Variants in RARG observed in about 807,000 individuals in gnomAD.
The protein encoded by RARG is RAR-gamma.
In RARG, 17 loss-of-function variants were observed where a neutral mutation model predicts 43.7. The observed-to-expected ratio is 0.39, with a 90% CI of 0.27 to 0.58. The LOEUF (loss-of-function observed/expected upper bound fraction) is 0.58, where lower values mean the gene tolerates loss of function less well. Ranked by LOEUF, RARG falls within the 20% of genes least tolerant of loss-of-function variation. The pLI is 0.57. For missense variants in RARG, 346 were observed against 598.7 expected (o/e 0.58, Z 4.40); for synonymous variants, 238 against 236.4 (o/e 1.01, Z -0.06).
In RARG at chr12:53,214,049, C is replaced by A; in HGVS notation, c.813+10G>T. 1 of 1,600,410 alleles carries A rather than the reference C, an allele frequency of 6.2e-7. No homozygotes were observed. The highest frequency in any genetic ancestry group is 8.5e-7 in the Non-Finnish European group (1 of 1,174,572). ...TCGGGCTGTGGCAGGACCCACAGGG[C>A]CTAACTTACCAGGATATCTAGGCAG... On this transcript the variant is annotated intron_variant, in intron 7 of 9. Coordinates refer to ENST00000425354, the MANE Select transcript of RARG (RefSeq NM_000966.6).
chr12:53,227,305 C>T lies in RARG; in HGVS notation c.184+57G>A. 1 of 1,470,922 alleles carries T rather than the reference C, an allele frequency of 6.8e-7. No homozygotes were observed. Among genetic ancestry groups the T allele is most frequent in the Non-Finnish European group, 9.1e-7 (1 of 1,102,344 alleles). 91.1% of individuals were successfully genotyped at this position (1,470,922 alleles called of 1,614,324 possible). A position where few individuals can be genotyped will look rare whatever the true frequency, so the allele number is the denominator to read the frequency against. On this transcript the variant is annotated intron_variant, in intron 3 of 9. Transcript: ENST00000425354. The surrounding 1 kb of genome is among the most constrained non-coding windows in gnomAD (Gnocchi z 4.3). The stretch of plus-strand genomic sequence containing the variant: ...GGTGCCAACTCTTTTACCATCCACC[C>T]TCCTGATGCCTTCTTGTTAACATTT...
rs1004498848 is a variant in RARG at position 53,212,009 on chromosome 12, T to G, written c.1178-146A>C. The stretch of plus-strand genomic sequence containing the variant: ...CCACCTCTCCGTCCCCAGCTCATCC[T>G]CTTCTCACTAGGCTTCCTGGGTGCC... On this transcript the variant is annotated intron_variant, in intron 9 of 9. Transcript: ENST00000425354. The G allele has an allele frequency of 1.2e-5, 6 of 512,852 alleles. No individual in the cohort carries two copies. The Admixed American group carries it at 1.3e-4, about 11-fold the overall frequency. The allele number at this position is 512,852 out of a possible 1,614,324, so 31.8% of individuals were successfully genotyped here. A position where few individuals can be genotyped will look rare whatever the true frequency, so the allele number is the denominator to read the frequency against.
intron 2 of RARG, among the ~76,000 whole-genome samples, chr12:53,230,841 G>A (rs1943218033): frequency 1.4e-5 from 1 of 73,036 alleles, no homozygotes; most frequent in Admixed American, 1.4e-4. Context: ...CAGTGCGTGT[G>A]TGTGTGTGTG....
At position 53,213,369 on chromosome 12, in the gene RARG, G is replaced by T; in HGVS notation, c.1019-126C>A. 1 of 1,478,018 alleles carries T rather than the reference G, an allele frequency of 6.8e-7. No homozygotes were observed. The highest frequency in any genetic ancestry group is 9.3e-7 in the Non-Finnish European group (1 of 1,072,514). The allele number at this position is 1,478,018 out of a possible 1,614,324, so 91.6% of individuals were successfully genotyped here. On this transcript the variant is annotated intron_variant, in intron 8 of 9. Coordinates refer to ENST00000425354, the MANE Select transcript of RARG (RefSeq NM_000966.6). This position sits in a 1 kb window ranked among gnomAD's most constrained non-coding sequence, Gnocchi z 4.7. ...AGGGTTTCAGAACTCTCTGGATGGG[G>T]CCAGGTGCAAGAATTACCAGCAGAA...
At chr12:53,230,400 G>C (rs2120744623) in intron 2 of RARG, among the ~76,000 whole-genome samples, 1 of 152,076 alleles carries the variant, frequency 6.6e-6, no homozygotes, top group Middle Eastern at 3.4e-3. Flanking sequence ...GCTCTTGTCG[G>C]CCACTCTCCA....
At position 53,214,208 on chromosome 12, in the gene RARG, G is replaced by A; in HGVS notation, c.664C>T (p.Leu222=). Residue 222 remains leucine (L), a synonymous_variant, in exon 7 of 10, where the codon CTG becomes TTG. Transcript: ENST00000425354. The part of the protein sequence containing the change: ...TNSSADHRVQ[L]DLGLWDKFSE... ...AACTTGTCCCACAGCCCCAGATCCA[G>A]CTGCACGCGGTGGTCTGCACTGGAG... 6.2e-7 allele frequency: 1 copy of A among 1,613,744 alleles called. No homozygotes were observed. The highest frequency in any genetic ancestry group is 8.5e-7 in the Non-Finnish European group (1 of 1,179,644).
chr12:53,227,333 C>A lies in RARG; in HGVS notation c.184+29G>T. On this transcript the variant is annotated intron_variant, in intron 3 of 9. Coordinates refer to ENST00000425354, the MANE Select transcript of RARG (RefSeq NM_000966.6). The surrounding 1 kb of genome is among the most constrained non-coding windows in gnomAD (Gnocchi z 4.3). ...CTGATGCCTTCTTGTTAACATTTGC[C>A]TTCATTCCCCAAGATCCCTGAGACT... The A allele has an allele frequency of 6.7e-7, 1 of 1,499,770 alleles. No individual in the cohort carries two copies. 92.9% of individuals were successfully genotyped at this position (1,499,770 alleles called of 1,614,324 possible).
intron 3 of RARG, among the ~76,000 whole-genome samples, chr12:53,217,421 C>A (rs1054498385): frequency 6.6e-6 from 1 of 152,224 alleles, no homozygotes; most frequent in African/African-American, 2.4e-5. Context: ...CACTGACGCC[C>A]TCCCTGCCCG....
intron 3 of RARG, among the ~76,000 whole-genome samples, chr12:53,221,296 G>C (rs1230647516): frequency 6.6e-6 from 1 of 151,854 alleles, no homozygotes; most frequent in Admixed American, 6.6e-5. Context: ...CGCCTCGACC[G>C]TCTCTCTCGA....
chr12:53,213,913 G>A lies in RARG; in HGVS notation c.813+146C>T. The A allele has an allele frequency of 8.8e-7, 1 of 1,137,136 alleles. No individual in the cohort carries two copies. 70.4% of individuals were successfully genotyped at this position (1,137,136 alleles called of 1,614,324 possible). On this transcript the variant is annotated intron_variant, in intron 7 of 9. Transcript: ENST00000425354. The surrounding 1 kb of genome is among the most constrained non-coding windows in gnomAD (Gnocchi z 4.7). ...AAAAGTCTAGGATCAGGTCATAGGG[G>A]CAGAGGCTAAGACGAAAAGAGAGCT...
chr12:53,218,840 GC>G (rs1942856482), intron 3 of RARG, among the ~76,000 whole-genome samples: 1 of 86,300 alleles, frequency 1.2e-5, no homozygotes, highest in African/African-American at 4.4e-5. Context: ...GTGCCCCCAA[GC>G]CCCTCATCCC....
chr12:53,223,187 C>T (rs1459088207), intron 3 of RARG, among the ~76,000 whole-genome samples: 1 of 152,174 alleles, frequency 6.6e-6, no homozygotes, highest in East Asian at 1.9e-4. Flanking sequence ...CTGGATGGGG[C>T]TTGAGGATAA....
At position 53,215,834 on chromosome 12, in the gene RARG, A is replaced by G. The variant is rs1942745797; in HGVS notation, c.185-40T>C. ...GTGATGTGAGGGTCAGGGGAGAAGG[A>G]CCCCACAGACCTCCAGGCTTCCTCA... On this transcript the variant is annotated intron_variant, in intron 3 of 9. Transcript: ENST00000425354. This position sits in a 1 kb window ranked among gnomAD's most constrained non-coding sequence, Gnocchi z 6.4. The G allele has an allele frequency of 6.5e-7, 1 of 1,541,990 alleles. No individual in the cohort carries two copies. The highest frequency in any genetic ancestry group is 8.8e-7 in the Non-Finnish European group (1 of 1,142,672).
At position 53,232,077 on chromosome 12, in the gene RARG, G is replaced by A. The variant is rs574211269; in HGVS notation, c.-313C>T. The A allele has an allele frequency of 1.3e-5, 5 of 398,534 alleles. No individual in the cohort carries two copies. Among genetic ancestry groups the A allele is most frequent in the African/African-American group, 4.1e-5 (2 of 48,742 alleles). 24.7% of individuals were successfully genotyped at this position (398,534 alleles called of 1,614,324 possible). On this transcript the variant is annotated 5_prime_UTR_variant, in exon 1 of 10. Transcript: ENST00000425354. ...TGTCCGGGGCTCGCCGTACTGGGGGGCTCCTGGGGGGGCACGGCTCTAGGC... is the reference window on the plus strand; with the variant it reads ...TGTCCGGGGCTCGCCGTACTGGGGGACTCCTGGGGGGGCACGGCTCTAGGC...
Position 53,215,615 on chromosome 12 carries a change from C to T in RARG, c.333+31G>A, listed in dbSNP as rs1324935333. On this transcript the variant is annotated intron_variant, in intron 4 of 9. Transcript: ENST00000425354. The surrounding 1 kb of genome is among the most constrained non-coding windows in gnomAD (Gnocchi z 6.4). ...CTCATCTTACTAGGGTAACTGGATCCCCCGTCTGCCCACTCCCACCACGTA... is the reference window on the plus strand; with the variant it reads ...CTCATCTTACTAGGGTAACTGGATCTCCCGTCTGCCCACTCCCACCACGTA... The T allele has an allele frequency of 2.8e-5, 44 of 1,599,348 alleles. No individual in the cohort carries two copies. Among genetic ancestry groups the T allele is most frequent in the Non-Finnish European group, 3.5e-5 (41 of 1,171,122 alleles).
chr12:53,214,714 C>T, intron 5 of RARG, 108 bp from the exon 6 acceptor site: 1 of 1,186,092 alleles, frequency 8.4e-7, no homozygotes, highest in Non-Finnish European at 1.2e-6. Context: ...AATATCTATT[C>T]TCTGGCACTG....
At chr12:53,214,839 A>G (rs1268467122) in intron 5 of RARG, 5 of 492,890 alleles carry the variant, frequency 1.0e-5, no homozygotes, top group Admixed American at 3.5e-5. Flanking sequence ...ATTCGGCTCC[A>G]TCCTGTCCTT....
In RARG at chr12:53,227,259, C is replaced by T; in HGVS notation, c.184+103G>A. 2 of 1,284,134 alleles carry T rather than the reference C, an allele frequency of 1.6e-6. No individual in the cohort carries two copies. Among genetic ancestry groups the T allele is most frequent in the Non-Finnish European group, 2.1e-6 (2 of 943,134 alleles). 79.5% of individuals were successfully genotyped at this position (1,284,134 alleles called of 1,614,324 possible). On this transcript the variant is annotated intron_variant, in intron 3 of 9. Transcript: ENST00000425354. The surrounding 1 kb of genome is among the most constrained non-coding windows in gnomAD (Gnocchi z 4.3). ...ACTCCATTAGGCCAAACCCCTGTCC[C>T]CTGCCTGCCTTCCTAACTGGGGTGC...
At position 53,214,600 on chromosome 12, in the gene RARG, C is replaced by T. The variant is rs773410727; in HGVS notation, c.482G>A (p.Arg161Gln). ...FEVGMSKEAV[R>Q]NDRNKKKKEV... ...TTTCTTCTTCTTGTTCCGGTCATTT[C>T]GCACAGCTTGTGGGTGGAGGCGCAA... Residue 161 changes from arginine (R) to glutamine (Q), a missense_variant, in exon 6 of 10, where the codon CGA (arginine) becomes CAA (glutamine). This residue lies in a region of RARG where 67 missense variants were observed against 79.6 expected (regional missense o/e 0.84). Coordinates refer to ENST00000425354, the MANE Select transcript of RARG (RefSeq NM_000966.6). The T allele has an allele frequency of 4.4e-6, 7 of 1,602,672 alleles. No individual in the cohort carries two copies. The highest frequency in any genetic ancestry group is 3.3e-5 in the Admixed American group (2 of 59,720).
Sources: gnomAD v4.1 joint callset for allele counts (sites outside exome capture counted in the v4.1 genomes callset) on GRCh38, gnomAD v4.1.1 for gene constraint, gnomAD v4.1.1 regional missense constraint, Gnocchi (gnomAD v3.1) non-coding constraint, MANE v1.5 for transcripts, NCBI Gene and HGNC (gene_info 2026-07-23, HGNC 2026-07-21) for gene names.